CDH1: variants seen among roughly 807,000 people sequenced by gnomAD.
The protein encoded by CDH1 is cadherin-1.
CDH1 carries 35 observed loss-of-function variants against 84.5 expected under a neutral mutation model. That is an observed-to-expected ratio of 0.41 (90% CI 0.32 to 0.55). The LOEUF is 0.55. Ranked by LOEUF, CDH1 falls within the 20% of genes least tolerant of loss-of-function variation. The probability of loss-of-function intolerance (pLI) is 0.19; values close to 1 mark genes in which losing one functional copy is unlikely to be tolerated. For missense variants in CDH1, 994 were observed against 1,126.6 expected, an observed-to-expected ratio of 0.88 and a Z score of 1.68; for synonymous variants, 417 against 439.0, an observed-to-expected ratio of 0.95 and a Z score of 0.63.
At chr16:68,822,246 T>C (rs1344122906) in intron 12 of CDH1, 21 bp downstream of exon 12, 5 of 1,563,364 alleles carry the variant, frequency 3.2e-6, no homozygotes, top group South Asian at 1.1e-5. Context: ...GAGTTTTATT[T>C]TGGCAACTTT....
At chr16:68,795,962 G>C (rs1192432010) in intron 2 of CDH1, among the ~76,000 whole-genome samples, 1 of 151,788 alleles carries the variant, frequency 6.6e-6, no homozygotes, top group African/African-American at 2.4e-5. Flanking sequence ...AGGAGTTCGA[G>C]GTTATCCTGG....
chr16:68,770,948 G>A (rs1056336565), intron 2 of CDH1: 7 of 151,796 alleles, frequency 4.6e-5, no homozygotes, highest in African/African-American at 1.5e-4. Flanking sequence ...CCACCGAGAC[G>A]AAGTGATGCA....
intron 2 of CDH1, among the ~76,000 whole-genome samples, chr16:68,774,799 T>A (rs530273999): frequency 1.3e-5 from 2 of 152,222 alleles, no homozygotes; most frequent in East Asian, 3.9e-4. Flanking sequence ...GACTTTTCAA[T>A]ATTTCAACCA....
intron 2 of CDH1, among the ~76,000 whole-genome samples, chr16:68,762,518 T>G (rs1361914796): frequency 6.6e-6 from 1 of 152,158 alleles, no homozygotes; most frequent in Admixed American, 6.6e-5. Context: ...TTTGGGGACT[T>G]TTGCAGTGAG....
chr16:68,804,626 A>G (rs1960602994), intron 3 of CDH1, among the ~76,000 whole-genome samples: 2 of 152,080 alleles, frequency 1.3e-5, no homozygotes, highest in South Asian at 4.1e-4. Flanking sequence ...TTAATCAGAA[A>G]CAAAGAGTGG....
At chr16:68,749,345 G>T (rs1244412555) in intron 2 of CDH1, among the ~76,000 whole-genome samples, 1 of 152,188 alleles carries the variant, frequency 6.6e-6, no homozygotes, top group Non-Finnish European at 1.5e-5. Flanking sequence ...TTTCAAAGGG[G>T]TATTTGGGAA....
intron 2 of CDH1, among the ~76,000 whole-genome samples, chr16:68,788,614 A>G (rs113607536): frequency 1.3e-5 from 2 of 152,214 alleles, no homozygotes; most frequent in African/African-American, 2.4e-5. Context: ...CTGAGTAGCT[A>G]TACCATATTT....
intron 2 of CDH1, among the ~76,000 whole-genome samples, chr16:68,745,259 A>G (rs1385558213): frequency 6.6e-6 from 1 of 151,496 alleles, no homozygotes; most frequent in Non-Finnish European, 1.5e-5. Context: ...AGGCCGCAGG[A>G]TTACTTGAGC....
At chr16:68,762,280 C>T (rs918947109) in intron 2 of CDH1, among the ~76,000 whole-genome samples, 37 of 152,186 alleles carry the variant, frequency 2.4e-4, no homozygotes, top group Non-Finnish European at 5.9e-5. Context: ...ATCCCCAAGG[C>T]CTGTGTCGGG....
chr16:68,822,693 A>G (rs1961192118), intron 12 of CDH1: 1 of 310,348 alleles, frequency 3.2e-6, no homozygotes, highest in Non-Finnish European at 6.2e-6. Context: ...CTGGGCTTCT[A>G]TTTCCACCAT....
At chr16:68,799,823 G>T (rs1056119596) in intron 2 of CDH1, among the ~76,000 whole-genome samples, 2 of 151,982 alleles carry the variant, frequency 1.3e-5, no homozygotes, top group African/African-American at 4.8e-5. Flanking sequence ...GACCAGCCTG[G>T]ACAACATGGT....
At position 68,828,291 on chromosome 16, in the gene CDH1, G is replaced by C. The variant is rs876659664; in HGVS notation, c.2282G>C (p.Gly761Ala). Residue 761 changes from glycine to alanine, a missense_variant, in exon 14 of 16, where the codon GGA (glycine) becomes GCA (alanine). Coordinates refer to ENST00000261769, the MANE Select transcript of CDH1 (RefSeq NM_004360.5). ...TATTACTATGATGAAGAAGGAGGCG[G>C]AGAAGAGGACCAGGTGGGTTTTGAA... ...NVYYYDEEGG[G>A]EEDQDFDLSQ... 2.5e-6 allele frequency: 4 copies of C among 1,614,004 alleles called. No homozygotes were observed. In the Middle Eastern group the frequency reaches 6.6e-4, roughly 265 times the overall value.
intron 12 of CDH1, 58 bp downstream of exon 12, chr16:68,822,283 C>G (rs1469248901): frequency 1.8e-6 from 2 of 1,124,546 alleles, no homozygotes; most frequent in East Asian, 2.4e-5. Flanking sequence ...TTCCCTTCCC[C>G]CAGATCCCCA....
intron 2 of CDH1, among the ~76,000 whole-genome samples, chr16:68,780,167 C>T (rs1959836609): frequency 1.3e-5 from 2 of 152,104 alleles, no homozygotes; most frequent in Admixed American, 1.3e-4. Context: ...CCCTCCTTCC[C>T]TCCCTTCCAG....
At chr16:68,747,882 G>A (rs1450606709) in intron 2 of CDH1, among the ~76,000 whole-genome samples, 1 of 151,772 alleles carries the variant, frequency 6.6e-6, no homozygotes, top group Non-Finnish European at 1.5e-5. Context: ...TCATACCTCA[G>A]TCTCCCGAGT....
Position 68,834,895 on chromosome 16 carries a change from A to G in CDH1, c.*1396A>G, listed in dbSNP as rs936833806. On this transcript the variant is annotated 3_prime_UTR_variant, in exon 16 of 16. Transcript: ENST00000261769. ...GGAGAGCTTGTCATTGAGCCTGGCA[A>G]TTTAGCAAACTGATGCTGAGGATGA... 8.6e-6 allele frequency: 2 copies of G among 232,568 alleles called. No individual in the cohort carries two copies. The highest frequency in any genetic ancestry group is 4.4e-5 in the African/African-American group (2 of 45,286). 14.4% of individuals were successfully genotyped at this position (232,568 alleles called of 1,614,324 possible). A position where few individuals can be genotyped will look rare whatever the true frequency, so the allele number is the denominator to read the frequency against.
Position 68,834,233 on chromosome 16 carries a change from C to T in CDH1, c.*734C>T, listed in dbSNP as rs1392705235. 3.9e-6 allele frequency: 2 copies of T among 506,342 alleles called. No homozygotes were observed. Among genetic ancestry groups the T allele is most frequent in the Non-Finnish European group, 7.8e-6 (2 of 257,398 alleles). The allele number at this position is 506,342 out of a possible 1,614,324, so 31.4% of individuals were successfully genotyped here. A position where few individuals can be genotyped will look rare whatever the true frequency, so the allele number is the denominator to read the frequency against. ...CCTCCCAGAGTATTGGGATTACAGA[C>T]ATGAGCCACTGCACCTGCCCAGCTC... On this transcript the variant is annotated 3_prime_UTR_variant, in exon 16 of 16. Coordinates refer to ENST00000261769, the MANE Select transcript of CDH1 (RefSeq NM_004360.5).
At chr16:68,818,035 T>C (rs1446829018) in intron 10 of CDH1, among the ~76,000 whole-genome samples, 3 of 151,944 alleles carry the variant, frequency 2.0e-5, no homozygotes, top group Admixed American at 2.0e-4. Flanking sequence ...GGTCAGGAGA[T>C]CGAGACTATC....
chr16:68,761,856 G>C (rs1319686767), intron 2 of CDH1, among the ~76,000 whole-genome samples: 1 of 152,176 alleles, frequency 6.6e-6, no homozygotes, highest in African/African-American at 2.4e-5. Context: ...AGGGGCAGGG[G>C]CTGGCAGAAG....
Sources: gnomAD v4.1 joint callset for allele counts (sites outside exome capture counted in the v4.1 genomes callset) on GRCh38, gnomAD v4.1.1 for gene constraint, MANE v1.5 for transcripts, NCBI Gene and HGNC (gene_info 2026-07-23, HGNC 2026-07-21) for gene names.